Variants in PPP1R9A observed in about 807,000 individuals in gnomAD.
PPP1R9A encodes neurabin-1.
A neutral mutation model predicts 141.9 loss-of-function variants in PPP1R9A; 59 were observed. The observed-to-expected ratio is 0.42, with a 90% CI of 0.34 to 0.52. PPP1R9A has a LOEUF of 0.52. Among genes scored for constraint, PPP1R9A ranks in the 20% least tolerant of loss-of-function variants. PPP1R9A has a pLI of 0.10. For missense variants in PPP1R9A, 1,444 were observed against 1,611.9 expected (o/e 0.90, Z 1.78); for synonymous variants, 500 against 569.7 (o/e 0.88, Z 1.74).
At chr7:95,280,309 A>G (rs1254366194) in intron 16 of PPP1R9A, among the ~76,000 whole-genome samples, 2 of 152,164 alleles carry the variant, frequency 1.3e-5, no homozygotes, top group Non-Finnish European at 2.9e-5. Flanking sequence ...TATTTCTTTT[A>G]TACTTCATCT....
chr7:95,147,409 G>T (rs1350325245), intron 4 of PPP1R9A, among the ~76,000 whole-genome samples: 2 of 152,182 alleles, frequency 1.3e-5, no homozygotes, highest in African/African-American at 4.8e-5. Flanking sequence ...AGATGATGGG[G>T]TTTTCTAAAT....
intron 2 of PPP1R9A, among the ~76,000 whole-genome samples, chr7:95,015,476 G>A (rs2151662734): frequency 6.6e-6 from 1 of 152,166 alleles, no homozygotes; most frequent in South Asian, 2.1e-4. Flanking sequence ...ATAATAGAAT[G>A]GATGTAACAG....
intron 2 of PPP1R9A, among the ~76,000 whole-genome samples, chr7:94,923,377 G>A (rs1793081836): frequency 6.6e-6 from 1 of 152,142 alleles, no homozygotes; most frequent in Non-Finnish European, 1.5e-5. Flanking sequence ...TTCCCATGTG[G>A]CATAATGTCT....
chr7:94,972,714 T>A (rs908625406), intron 2 of PPP1R9A, among the ~76,000 whole-genome samples: 2 of 152,046 alleles, frequency 1.3e-5, no homozygotes, highest in Non-Finnish European at 2.9e-5. Context: ...GCAGTAGGTG[T>A]ACACTGGCAG....
At chr7:95,029,997 A>G (rs1807438073) in intron 2 of PPP1R9A, among the ~76,000 whole-genome samples, 1 of 152,208 alleles carries the variant, frequency 6.6e-6, no homozygotes, top group Admixed American at 6.5e-5. Context: ...TAGGATGAAT[A>G]TGGTAATGAC....
chr7:95,147,504 T>A (rs1050617423), intron 4 of PPP1R9A, among the ~76,000 whole-genome samples: 2 of 152,230 alleles, frequency 1.3e-5, no homozygotes, highest in African/African-American at 4.8e-5. Context: ...TCTTGCCTGA[T>A]TGCCCTGGCT....
intron 2 of PPP1R9A, among the ~76,000 whole-genome samples, chr7:95,046,618 A>G (rs903661408): frequency 6.6e-6 from 1 of 152,196 alleles, no homozygotes; most frequent in Non-Finnish European, 1.5e-5. Context: ...GAAAAGATAG[A>G]GGCCTGCATG....
intron 2 of PPP1R9A, among the ~76,000 whole-genome samples, chr7:94,962,651 T>A (rs1018348282): frequency 7.2e-5 from 11 of 152,180 alleles, no homozygotes; most frequent in African/African-American, 2.7e-4. Flanking sequence ...GATAAATAGC[T>A]AGCAAAATCA....
At chr7:95,019,370 G>A (rs538190168) in intron 2 of PPP1R9A, among the ~76,000 whole-genome samples, 41 of 152,286 alleles carry the variant, frequency 2.7e-4, no homozygotes, top group African/African-American at 3.1e-4. Flanking sequence ...GCGATAGAGC[G>A]AGACTCAGTC....
chr7:95,195,752 G>A (rs1033022731), intron 5 of PPP1R9A, among the ~76,000 whole-genome samples: 1 of 151,820 alleles, frequency 6.6e-6, no homozygotes, highest in African/African-American at 2.4e-5. Context: ...AAGGATATGT[G>A]TCAAGAATAT....
At chr7:95,079,341 A>G (rs1029678947) in intron 2 of PPP1R9A, among the ~76,000 whole-genome samples, 9 of 152,110 alleles carry the variant, frequency 5.9e-5, no homozygotes, top group Admixed American at 2.0e-4. Flanking sequence ...ATTGATCTAT[A>G]TCTCTGTTTT....
chr7:94,926,150 T>C (rs777567848), intron 2 of PPP1R9A, among the ~76,000 whole-genome samples: 2 of 152,202 alleles, frequency 1.3e-5, no homozygotes, highest in Non-Finnish European at 2.9e-5. Context: ...ATAATGCTTG[T>C]ATGATTTATT....
intron 2 of PPP1R9A, among the ~76,000 whole-genome samples, chr7:95,031,497 G>A (rs964024455): frequency 1.4e-4 from 22 of 152,140 alleles, no homozygotes; most frequent in Non-Finnish European, 2.2e-4. Flanking sequence ...GCTAATGCCT[G>A]TAATCCGAGT....
At chr7:95,057,315 T>C (rs1811633926) in intron 2 of PPP1R9A, among the ~76,000 whole-genome samples, 1 of 151,962 alleles carries the variant, frequency 6.6e-6, no homozygotes, top group African/African-American at 2.4e-5. Context: ...AAGCAAATAA[T>C]AAAGAAAAGA....
At chr7:94,941,703 T>C (rs1316491884) in intron 2 of PPP1R9A, among the ~76,000 whole-genome samples, 2 of 152,098 alleles carry the variant, frequency 1.3e-5, no homozygotes, top group African/African-American at 4.8e-5. Context: ...GGCTGGCAAG[T>C]GTGGGAACCT....
chr7:95,254,790 A>T (rs2153015656), intron 12 of PPP1R9A, among the ~76,000 whole-genome samples: 1 of 152,268 alleles, frequency 6.6e-6, no homozygotes, highest in South Asian at 2.1e-4. Flanking sequence ...AAATGATGTG[A>T]CTCTTAATAT....
chr7:94,958,408 A>G (rs904797677), intron 2 of PPP1R9A, among the ~76,000 whole-genome samples: 5 of 151,982 alleles, frequency 3.3e-5, no homozygotes, highest in African/African-American at 1.2e-4. Flanking sequence ...GCCCTTGTCT[A>G]TCTCATTCAC....
chr7:95,090,123 C>T (rs1314523807), intron 2 of PPP1R9A, among the ~76,000 whole-genome samples: 1 of 151,646 alleles, frequency 6.6e-6, no homozygotes, highest in African/African-American at 2.4e-5. Flanking sequence ...AGGATCAAGT[C>T]TTTGGTGGTT....
rs951676740 is a variant in PPP1R9A, at chr7:95,295,349, T to C, written c.*5046T>C. On this transcript the variant is annotated 3_prime_UTR_variant, in exon 20 of 20. Coordinates refer to ENST00000433360, the MANE Select transcript of PPP1R9A (RefSeq NM_001166160.2). ...TTGGTAAAATTGATTTATCAGATAC[T>C]TGGTATTTTAGTAAGAAAATTTCCT... The C allele has an allele frequency of 5.2e-5, 8 of 152,664 alleles. No individual in the cohort carries two copies. Among genetic ancestry groups the C allele is most frequent in the African/African-American group, 1.9e-4 (8 of 41,458 alleles). The allele number at this position is 152,664 out of a possible 1,614,324, so 9.5% of individuals were successfully genotyped here.
Sources: gnomAD v4.1 joint callset for allele counts (sites outside exome capture counted in the v4.1 genomes callset) on GRCh38, gnomAD v4.1.1 for gene constraint, MANE v1.5 for transcripts, NCBI Gene and HGNC (gene_info 2026-07-23, HGNC 2026-07-21) for gene names.